The following SUGCT variants were observed in gnomAD, a reference collection of about 807,000 sequenced individuals.
The protein encoded by SUGCT is succinyl-CoA:glutarate-CoA transferase.
A neutral mutation model predicts 55.0 loss-of-function variants in SUGCT; 41 were observed. The observed-to-expected ratio is 0.74, with a 90% CI of 0.58 to 0.97. The LOEUF is 0.97. SUGCT is among the 50% of genes least tolerant of loss of function. SUGCT has a pLI of 0.00. For synonymous variants in SUGCT, 187 were observed against 200.4 expected, an observed-to-expected ratio of 0.93 and a Z score of 0.56; for missense variants, 568 against 547.8, an observed-to-expected ratio of 1.04 and a Z score of -0.37.
chr7:40,804,425 C>G (rs1343502938), intron 13 of SUGCT, among the ~76,000 whole-genome samples: 1 of 152,032 alleles, frequency 6.6e-6, no homozygotes, highest in East Asian at 1.9e-4. Context: ...TAATAAATAT[C>G]TCTTAGATAA....
chr7:40,654,628 C>G (rs1035264216), intron 12 of SUGCT, among the ~76,000 whole-genome samples: 8 of 152,230 alleles, frequency 5.3e-5, no homozygotes, highest in African/African-American at 1.9e-4. Context: ...TCGTCCTGCA[C>G]TATATGCTTC....
At chr7:40,561,688 C>CTTTTTTT (rs777766517) in intron 12 of SUGCT, among the ~76,000 whole-genome samples, 4 of 100,150 alleles carry the variant, frequency 4.0e-5, no homozygotes, top group Non-Finnish European at 5.9e-5. Context: ...TAAGCCGAGT[C>CTTTTTTT]TTTTTTTTTT....
the SUGCT span, among the ~76,000 whole-genome samples, chr7:40,961,804 A>G: frequency 6.6e-6 from 1 of 151,790 alleles, no homozygotes; most frequent in African/African-American, 2.4e-5. Context: ...TGAGTGTTAC[A>G]GCTCTTAAAG....
intron 12 of SUGCT, among the ~76,000 whole-genome samples, chr7:40,545,200 T>C (rs1330262452): frequency 6.6e-6 from 1 of 152,202 alleles, no homozygotes; most frequent in Non-Finnish European, 1.5e-5. Context: ...AGCTCAGCTC[T>C]CATAAACCTC....
chr7:40,898,461 TCCCAGCAC>T, the SUGCT span, among the ~76,000 whole-genome samples: 2 of 91,132 alleles, frequency 2.2e-5, no homozygotes, highest in African/African-American at 8.0e-5. Context: ...ACGCCTGTAA[TCCCAGCAC>T]TCCGGGAGGT....
intron 13 of SUGCT, among the ~76,000 whole-genome samples, chr7:40,829,067 C>T (rs980489802): frequency 6.6e-6 from 1 of 152,162 alleles, no homozygotes; most frequent in Non-Finnish European, 1.5e-5. Flanking sequence ...CTCTTGCCCT[C>T]ACTGCTAATA....
chr7:40,190,332 C>G (rs193036569), intron 5 of SUGCT, among the ~76,000 whole-genome samples: 31 of 152,258 alleles, frequency 2.0e-4, no homozygotes. Flanking sequence ...TCACTGCAAC[C>G]TCCACCTCCT....
intron 8 of SUGCT, among the ~76,000 whole-genome samples, chr7:40,296,834 T>A (rs1171290297): frequency 1.3e-5 from 2 of 152,048 alleles, no homozygotes; most frequent in Non-Finnish European, 2.9e-5. Context: ...TTGGTAACCA[T>A]CCTATATAGG....
At chr7:40,445,553 A>G (rs1454407838) in intron 9 of SUGCT, among the ~76,000 whole-genome samples, 3 of 152,180 alleles carry the variant, frequency 2.0e-5, no homozygotes, top group African/African-American at 7.2e-5. Context: ...TTCACAGCCA[A>G]ATTCTACCAC....
chr7:40,307,001 T>C (rs79668897), intron 8 of SUGCT, among the ~76,000 whole-genome samples: 5,726 of 152,288 alleles, frequency 0.038, 371 homozygotes, highest in African/African-American at 0.13. Context: ...TTCTTTTGAG[T>C]TCATAAATAA....
the SUGCT span, among the ~76,000 whole-genome samples, chr7:40,922,667 A>G: frequency 0.54 from 82,148 of 152,130 alleles, 23,290 homozygotes; most frequent in African/African-American, 0.72. Context: ...AATAGAGCAA[A>G]ATTCAAGGAG....
the SUGCT span, among the ~76,000 whole-genome samples, chr7:41,015,835 TCTTA>T: frequency 6.6e-6 from 1 of 152,228 alleles, no homozygotes; most frequent in African/African-American, 2.4e-5. Context: ...CAAATATTTT[TCTTA>T]CTTCCTTCCT....
At position 40,324,257 on chromosome 7, in the gene SUGCT, A is replaced by T. The variant is rs370444676; in HGVS notation, c.816+7402A>T. Among the ~76,000 whole-genome samples the T allele has an allele frequency of 1.1e-3, 86 of 80,180 alleles. 4 individuals are homozygous for T. The highest frequency in any genetic ancestry group is 2.5e-3 in the African/African-American group (71 of 28,012). 52.6% of individuals were successfully genotyped at this position (80,180 alleles called of 152,430 possible). ...TATAAATAAATAAATAAATAAATAT[A>T]TATATATTTATTTTTTGAGACAGAG... On this transcript the variant is annotated intron_variant, in intron 9 of 13. Transcript: ENST00000335693.
At chr7:40,385,030 A>G (rs957206250) in intron 9 of SUGCT, among the ~76,000 whole-genome samples, 42 of 152,228 alleles carry the variant, frequency 2.8e-4, no homozygotes, top group African/African-American at 9.9e-4. Context: ...TGTGATTAGT[A>G]TTAATGATAG....
chr7:40,737,832 G>A (rs1473403836), intron 12 of SUGCT, among the ~76,000 whole-genome samples: 2 of 152,128 alleles, frequency 1.3e-5, no homozygotes, highest in African/African-American at 4.8e-5. Flanking sequence ...GCTGAGGCAG[G>A]AGAATCGCTA....
At chr7:40,496,781 T>TCTTAAACCTCTGATCATATGATTAA (rs145276980) in intron 12 of SUGCT, among the ~76,000 whole-genome samples, 1 of 93,586 alleles carries the variant, frequency 1.1e-5, no homozygotes, top group Non-Finnish European at 2.1e-5. Flanking sequence ...CATATGATTA[T>TCTTAAACCTCTGATCATATGATTAA]ACCTCTGATC....
intron 9 of SUGCT, among the ~76,000 whole-genome samples, chr7:40,384,280 A>G (rs1785007552): frequency 6.6e-6 from 1 of 152,152 alleles, no homozygotes; most frequent in African/African-American, 2.4e-5. Flanking sequence ...ACAAAGATAA[A>G]TATGTGTACA....
chr7:40,274,533 A>G lies in SUGCT; in HGVS notation c.597A>G (p.Pro199=), dbSNP rs1792331371. Residue 199 remains proline (P), a synonymous_variant, in exon 8 of 14, where the codon CCA becomes CCG. Transcript: ENST00000335693. The part of the protein sequence containing the change: ...TGPENGDPVR[P]GVAMTDLATG... ...ATCAGAATGGAGATCCAGTTCGCCC[A>G]GGAGTAGCTATGACTGATCTTGCCA... 1.9e-6 allele frequency: 3 copies of G among 1,613,342 alleles called. No individual in the cohort carries two copies. The highest frequency in any genetic ancestry group is 1.3e-5 in the African/African-American group (1 of 74,934).
At chr7:40,755,541 T>C (rs79630742) in intron 13 of SUGCT, among the ~76,000 whole-genome samples, 132 of 152,340 alleles carry the variant, frequency 8.7e-4, no homozygotes, top group African/African-American at 2.9e-3. Flanking sequence ...ACTATTTGCA[T>C]CTTCTTGCAA....
Sources: gnomAD v4.1 joint callset for allele counts (sites outside exome capture counted in the v4.1 genomes callset) on GRCh38, gnomAD v4.1.1 for gene constraint, MANE v1.5 for transcripts, NCBI Gene and HGNC (gene_info 2026-07-23, HGNC 2026-07-21) for gene names.